KDM4B: variants seen among roughly 807,000 people sequenced by gnomAD.
KDM4B encodes the protein lysine-specific demethylase 4B.
Under a neutral mutation model 125.2 loss-of-function variants are expected in KDM4B, and 32 were observed. The observed-to-expected ratio is 0.26, with a 90% CI of 0.19 to 0.34. The LOEUF (loss-of-function observed/expected upper bound fraction) is 0.34, where lower values mean the gene tolerates loss of function less well. Ranked by LOEUF, KDM4B falls within the 10% of genes least tolerant of loss-of-function variation. The probability of loss-of-function intolerance (pLI) is 1.00; values close to 1 mark genes in which losing one functional copy is unlikely to be tolerated. For missense variants in KDM4B, 1,190 were observed against 1,577.7 expected (o/e 0.75, Z 4.16); for synonymous variants, 721 against 677.9 (o/e 1.06, Z -0.99).
chr19:5,137,941 C>T, intron 17 of KDM4B, 21 bp from the exon 18 acceptor site: 2 of 1,600,150 alleles, frequency 1.2e-6, no homozygotes, highest in African/African-American at 1.3e-5. Context: ...GCACCTGACC[C>T]CGCTGCACCT....
chr19:5,040,662 C>T (rs931540447), intron 4 of KDM4B, among the ~76,000 whole-genome samples: 2 of 100,690 alleles, frequency 2.0e-5, no homozygotes, highest in South Asian at 3.6e-4. Context: ...GTCCCGTCGC[C>T]GTGCCCTCCT....
chr19:5,057,052 G>GTA (rs2037427439), intron 6 of KDM4B, among the ~76,000 whole-genome samples: 1 of 143,280 alleles, frequency 7.0e-6, no homozygotes, highest in African/African-American at 2.8e-5. Flanking sequence ...GTGTGTGTGT[G>GTA]TGTGTGTGTG....
At chr19:4,972,875 C>T (rs1274925785) in intron 1 of KDM4B, among the ~76,000 whole-genome samples, 1 of 152,216 alleles carries the variant, frequency 6.6e-6, no homozygotes, top group African/African-American at 2.4e-5. Context: ...CCCACGGGGT[C>T]CCCTGCACGC....
Position 5,020,654 on chromosome 19 carries a change from T to G in KDM4B, c.-26+4315T>G, listed in dbSNP as rs1354547162. On this transcript the variant is annotated intron_variant, in intron 2 of 22. Coordinates refer to ENST00000159111, the MANE Select transcript of KDM4B (RefSeq NM_015015.3). ...GTCCCACTGCAGCTGCAAGTCGGCC[T>G]CTCCTCCTGCCTGCTTCCCGTGCCT... Among the ~76,000 whole-genome samples, 4 of 152,182 alleles carry G rather than the reference T, an allele frequency of 2.6e-5. 1 individual carries two copies. Among genetic ancestry groups the G allele is most frequent in the Non-Finnish European group, 5.9e-5 (4 of 68,010 alleles).
chr19:4,978,254 C>T (rs972676807), intron 1 of KDM4B, among the ~76,000 whole-genome samples: 1 of 152,070 alleles, frequency 6.6e-6, no homozygotes, highest in Non-Finnish European at 1.5e-5. Flanking sequence ...CGCCTGTCAT[C>T]CCAGCACTTT....
chr19:5,150,653 C>T (rs1387950259), intron 22 of KDM4B, among the ~76,000 whole-genome samples: 2 of 152,124 alleles, frequency 1.3e-5, no homozygotes, highest in African/African-American at 2.4e-5. Flanking sequence ...CTCCTGGTGC[C>T]GCAGCTCCTG....
intron 2 of KDM4B, among the ~76,000 whole-genome samples, chr19:5,019,478 G>C (rs1465449417): frequency 6.7e-6 from 1 of 148,472 alleles, no homozygotes; most frequent in Non-Finnish European, 1.5e-5. Context: ...GGGTGTTGGT[G>C]TTGGTGTGCA....
At chr19:4,988,496 C>T (rs1314987782) in intron 1 of KDM4B, among the ~76,000 whole-genome samples, 1 of 152,090 alleles carries the variant, frequency 6.6e-6, no homozygotes, top group African/African-American at 2.4e-5. Flanking sequence ...AGGATGGTCT[C>T]AATCTCCTGA....
At chr19:5,001,667 G>T (rs1568217934) in intron 1 of KDM4B, among the ~76,000 whole-genome samples, 1 of 149,926 alleles carries the variant, frequency 6.7e-6, no homozygotes, top group African/African-American at 2.5e-5. Context: ...AAACACCCAT[G>T]TAAGTCCTGT....
Position 5,119,791 on chromosome 19 carries a change from C to T in KDM4B, c.1254C>T (p.Pro418=), listed in dbSNP as rs544905618. ...VKEEAGPEVD[P]EEEEEEPQPL... is the part of the protein sequence containing the mutation. ...AGGAGGCTGGGCCGGAGGTTGACCC[C>T]GAGGAGGAGGAGGAGGAGCCGCAGC... The change falls in exon 11 of 23, where the codon CCC becomes CCT. Residue 418 remains proline (P), a synonymous_variant. Coordinates refer to ENST00000159111, the MANE Select transcript of KDM4B (RefSeq NM_015015.3). 30 of 1,542,294 alleles carry T rather than the reference C, an allele frequency of 1.9e-5. No individual in the cohort carries two copies. The African/African-American group carries it at 2.6e-4, about 13-fold the overall frequency.
At chr19:5,019,474 TGGTGTTGGTGTGCA>T (rs1173089778) in intron 2 of KDM4B, among the ~76,000 whole-genome samples, 2 of 46,734 alleles carry the variant, frequency 4.3e-5, no homozygotes, top group African/African-American at 1.8e-4. Context: ...GTGTGGGTGT[TGGTGTTGGTGTGCA>T]GGTGTTGGTG....
rs1340281259 is a variant in KDM4B at position 5,142,750 on chromosome 19, T to G, written c.2551-1217T>G. Among the ~76,000 whole-genome samples the G allele has an allele frequency of 6.6e-6, 1 of 151,812 alleles. No individual in the cohort carries two copies. The highest frequency in any genetic ancestry group is 2.1e-4 in the South Asian group (1 of 4,806). ...CTGGAGTGATGCCTGGCGCGTGTTG[T>G]GTGATGGGAGAATTGGGTATTTACA... On this transcript the variant is annotated intron_variant, in intron 18 of 22. Coordinates refer to ENST00000159111, the MANE Select transcript of KDM4B (RefSeq NM_015015.3). This position sits in a 1 kb window ranked among gnomAD's most constrained non-coding sequence, Gnocchi z 5.4.
At chr19:5,045,286 C>A (rs1387736805) in intron 5 of KDM4B, among the ~76,000 whole-genome samples, 1 of 152,224 alleles carries the variant, frequency 6.6e-6, no homozygotes, top group Non-Finnish European at 1.5e-5. Flanking sequence ...AATCTGCATT[C>A]CCCCGATGGC....
intron 8 of KDM4B, 39 bp downstream of exon 8, chr19:5,077,509 G>T (rs1476224072): frequency 6.4e-7 from 1 of 1,564,462 alleles, no homozygotes; most frequent in African/African-American, 1.4e-5. Context: ...TGGGTGAAGT[G>T]GGTACCGGGT....
At position 5,137,633 on chromosome 19, in the gene KDM4B, T is replaced by G. The variant is rs1451845561; in HGVS notation, c.2398T>G (p.Cys800Gly). Reference protein sequence around the residue: ...AHAWTAECCLCNLRGGALQMT... With the variant: ...AHAWTAECCLGNLRGGALQMT... ...CTGGTCTCCACAGGAGTGCTGCCTG[T>G]GCAACCTGCGAGGAGGTGCGCTGCA... Residue 800 changes from cysteine to glycine, a missense_variant, in exon 17 of 23, where the codon TGC (cysteine) becomes GGC (glycine). Cys to Gly is a radical substitution (Grantham distance 159). Around this residue, in one of 7 missense-constraint regions of KDM4B, gnomAD observed 298 missense variants for 439.7 expected, o/e 0.68. Coordinates refer to ENST00000159111, the MANE Select transcript of KDM4B (RefSeq NM_015015.3). The G allele has an allele frequency of 1.9e-6, 3 of 1,603,878 alleles. No individual in the cohort carries two copies.
At chr19:5,135,000 T>A (rs2039622378) in intron 14 of KDM4B, among the ~76,000 whole-genome samples, 1 of 152,216 alleles carries the variant, frequency 6.6e-6, no homozygotes, top group Admixed American at 6.5e-5. Context: ...AGGCAGAGTG[T>A]GGAGACTCGT....
chr19:5,124,026 TG>T (rs1044808912), intron 11 of KDM4B, among the ~76,000 whole-genome samples: 2 of 130,828 alleles, frequency 1.5e-5, no homozygotes, highest in African/African-American at 2.9e-5. Flanking sequence ...TCCCTGGGGG[TG>T]GGGGGCTGCG....
At chr19:5,119,173 C>A (rs1599224619) in intron 10 of KDM4B, 1 of 1,535,398 alleles carries the variant, frequency 6.5e-7, no homozygotes, top group Non-Finnish European at 8.7e-7. Flanking sequence ...GGAGAGGAAA[C>A]CAAGTCTAGA....
chr19:5,010,731 T>A (rs2035702406), intron 1 of KDM4B, among the ~76,000 whole-genome samples: 2 of 152,316 alleles, frequency 1.3e-5, no homozygotes, highest in East Asian at 3.9e-4. Flanking sequence ...CACTGCAACC[T>A]CCGCCTCCCA....
Sources: allele counts gnomAD v4.1 joint callset (sites outside exome capture counted in the v4.1 genomes callset), GRCh38; gene constraint gnomAD v4.1.1; regional missense constraint gnomAD v4.1.1; non-coding constraint Gnocchi (gnomAD v3.1); transcripts MANE v1.5; gene names NCBI Gene and HGNC (gene_info 2026-07-23, HGNC 2026-07-21).